The following PLEKHA7 variants were observed in gnomAD, a reference collection of about 807,000 sequenced individuals.
PLEKHA7 encodes pleckstrin homology domain containing A7, also known as pleckstrin homology domain-containing family A member 7.
Under a neutral mutation model 170.0 loss-of-function variants are expected in PLEKHA7, and 104 were observed. That is an observed-to-expected ratio of 0.61 (90% CI 0.52 to 0.72). The LOEUF (loss-of-function observed/expected upper bound fraction) is 0.72. Among genes scored for constraint, PLEKHA7 ranks in the 30% least tolerant of loss-of-function variants. The pLI is 0.00. For missense variants in PLEKHA7, 1,615 were observed against 1,671.7 expected (o/e 0.97, Z 0.59); for synonymous variants, 648 against 660.8 (o/e 0.98, Z 0.30).
At chr11:16,974,540 T>C (rs1862935165) in intron 3 of PLEKHA7, among the ~76,000 whole-genome samples, 2 of 152,094 alleles carry the variant, frequency 1.3e-5, no homozygotes, top group African/African-American at 4.8e-5. Context: ...TAACATGTTA[T>C]ATTACAATAG....
At chr11:16,889,495 G>T (rs1856477679) in intron 3 of PLEKHA7, among the ~76,000 whole-genome samples, 1 of 147,562 alleles carries the variant, frequency 6.8e-6, no homozygotes, top group Non-Finnish European at 1.5e-5. Context: ...CCAGCTGCTT[G>T]GGAGGCTGAG....
intron 26 of PLEKHA7, among the ~76,000 whole-genome samples, chr11:16,782,490 T>G (rs774439669): frequency 6.6e-6 from 1 of 152,232 alleles, no homozygotes; most frequent in African/African-American, 2.4e-5. Context: ...GCACCACTCC[T>G]CCTGGGACCT....
At chr11:16,792,892 G>A (rs1847957311) in intron 19 of PLEKHA7, among the ~76,000 whole-genome samples, 1 of 152,176 alleles carries the variant, frequency 6.6e-6, no homozygotes, top group African/African-American at 2.4e-5. Context: ...TCCTGCCTTA[G>A]CCTTCCCAGT....
At chr11:16,962,324 A>C (rs960686179) in intron 3 of PLEKHA7, among the ~76,000 whole-genome samples, 2 of 152,162 alleles carry the variant, frequency 1.3e-5, no homozygotes, top group Non-Finnish European at 2.9e-5. Flanking sequence ...CTTGTGTAAA[A>C]AGACTCTTGG....
At chr11:16,996,624 G>A (rs1864354815) in intron 3 of PLEKHA7, among the ~76,000 whole-genome samples, 2 of 152,184 alleles carry the variant, frequency 1.3e-5, no homozygotes, top group Non-Finnish European at 2.9e-5. Flanking sequence ...GCTGCAGAAT[G>A]CTTCACATAA....
chr11:16,873,466 T>C (rs1035515927), intron 3 of PLEKHA7, among the ~76,000 whole-genome samples: 1 of 152,106 alleles, frequency 6.6e-6, no homozygotes, highest in Non-Finnish European at 1.5e-5. Flanking sequence ...ATAGCCAGCC[T>C]CTGAATTCCC....
At chr11:16,859,133 G>T (rs1853722728) in intron 4 of PLEKHA7, among the ~76,000 whole-genome samples, 1 of 152,176 alleles carries the variant, frequency 6.6e-6, no homozygotes, top group Non-Finnish European at 1.5e-5. Context: ...TCTTCACCAA[G>T]GCCCCCCATG....
intron 4 of PLEKHA7, 56 bp from the exon 5 acceptor site, chr11:16,855,970 G>A (rs915164237): frequency 3.6e-6 from 5 of 1,407,150 alleles, no homozygotes; most frequent in Middle Eastern, 1.8e-4. Context: ...AGTAGGAAGT[G>A]CAGTAAGATC....
At chr11:16,907,685 GA>G (rs1378320475) in intron 3 of PLEKHA7, among the ~76,000 whole-genome samples, 1 of 132,632 alleles carries the variant, frequency 7.5e-6, no homozygotes, top group East Asian at 2.2e-4. Flanking sequence ...TCCGGGAGGT[GA>G]GGGGCGCCTC....
At chr11:16,830,545 G>C (rs193010061) in intron 9 of PLEKHA7, among the ~76,000 whole-genome samples, 4 of 152,330 alleles carry the variant, frequency 2.6e-5, no homozygotes, top group Admixed American at 2.6e-4. Context: ...AAGCCAGACA[G>C]TGAAACAAAT....
chr11:16,999,600 A>T (rs1449198634), intron 3 of PLEKHA7, among the ~76,000 whole-genome samples: 7 of 152,248 alleles, frequency 4.6e-5, no homozygotes, highest in Middle Eastern at 3.4e-3. Flanking sequence ...GCTGTACCCC[A>T]CTGATACTCT....
chr11:17,002,757 G>A (rs1484055353), intron 3 of PLEKHA7, among the ~76,000 whole-genome samples: 1 of 152,144 alleles, frequency 6.6e-6, no homozygotes, highest in East Asian at 1.9e-4. Context: ...TGGCTGCACA[G>A]ATTAAGAAGC....
chr11:16,868,777 C>T (rs539030612), intron 4 of PLEKHA7, among the ~76,000 whole-genome samples: 1 of 152,222 alleles, frequency 6.6e-6, no homozygotes, highest in South Asian at 2.1e-4. Context: ...TGCATCTTCT[C>T]CTTGGAAGCT....
chr11:16,980,884 T>C (rs1012711841), intron 3 of PLEKHA7, among the ~76,000 whole-genome samples: 3 of 151,448 alleles, frequency 2.0e-5, no homozygotes, highest in Admixed American at 1.3e-4. Context: ...CAAAATTCCA[T>C]CTCAAAAACA....
chr11:16,813,724 T>C (rs1335734704), intron 12 of PLEKHA7, among the ~76,000 whole-genome samples: 3 of 152,168 alleles, frequency 2.0e-5, no homozygotes, highest in African/African-American at 4.8e-5. Flanking sequence ...TCCTGCAAGT[T>C]TGGTTCTTTT....
chr11:16,934,283 C>A (rs1377284147), intron 3 of PLEKHA7, among the ~76,000 whole-genome samples: 1 of 152,152 alleles, frequency 6.6e-6, no homozygotes, highest in Non-Finnish European at 1.5e-5. Flanking sequence ...AAATGCCCTG[C>A]TGGCACTCAG....
intron 3 of PLEKHA7, among the ~76,000 whole-genome samples, chr11:16,891,065 T>C (rs1384948251): frequency 2.6e-5 from 3 of 116,322 alleles, no homozygotes; most frequent in African/African-American, 8.9e-5. Context: ...TGCTAGACTA[T>C]TATTCTCTAT....
At chr11:16,911,257 G>A (rs1350819402) in intron 3 of PLEKHA7, among the ~76,000 whole-genome samples, 1 of 152,144 alleles carries the variant, frequency 6.6e-6, no homozygotes, top group African/African-American at 2.4e-5. Flanking sequence ...TCACCTGTGG[G>A]AAAACTACAG....
At chr11:16,974,371 A>G (rs1377184092) in intron 3 of PLEKHA7, among the ~76,000 whole-genome samples, 1 of 150,756 alleles carries the variant, frequency 6.6e-6, no homozygotes. Context: ...GATTCACACT[A>G]GTTCCTTAGT....
Sources: gnomAD v4.1 joint callset for allele counts (sites outside exome capture counted in the v4.1 genomes callset) on GRCh38, gnomAD v4.1.1 for gene constraint, MANE v1.5 for transcripts, NCBI Gene and HGNC (gene_info 2026-07-23, HGNC 2026-07-21) for gene names.